Variants in DMTN observed in about 807,000 individuals in gnomAD.
The protein encoded by DMTN is dematin.
In DMTN, 27 loss-of-function variants were observed where a neutral mutation model predicts 59.4. That is an observed-to-expected ratio of 0.45 (90% CI 0.33 to 0.63). DMTN has a LOEUF of 0.63. Among genes scored for constraint, DMTN ranks in the 20% least tolerant of loss-of-function variants. DMTN has a pLI of 0.02. For missense variants in DMTN, 451 were observed against 528.9 expected, an observed-to-expected ratio of 0.85 and a Z score of 1.45; for synonymous variants, 221 against 203.7, an observed-to-expected ratio of 1.08 and a Z score of -0.72.
chr8:22,061,985 G>A (rs955237081), intron 1 of DMTN, among the ~76,000 whole-genome samples: 4 of 151,946 alleles, frequency 2.6e-5, no homozygotes, highest in African/African-American at 9.7e-5. Context: ...TCAAACTCCT[G>A]GCCTCAAGTG....
At chr8:22,075,212 A>G (rs1818814610) in intron 10 of DMTN, among the ~76,000 whole-genome samples, 2 of 149,292 alleles carry the variant, frequency 1.3e-5, no homozygotes, top group South Asian at 4.2e-4. Flanking sequence ...AAAAAAGCCT[A>G]AGAGGAAACC....
chr8:22,074,298 G>C (rs540429761), intron 10 of DMTN, among the ~76,000 whole-genome samples: 1 of 152,300 alleles, frequency 6.6e-6, no homozygotes, highest in Non-Finnish European at 1.5e-5. Context: ...TATTGAGACA[G>C]GGCCTTGCTC....
chr8:22,072,243 C>G (rs1297853750), intron 8 of DMTN, 83 bp from the exon 9 acceptor site: 10 of 1,485,812 alleles, frequency 6.7e-6, no homozygotes, highest in Non-Finnish European at 8.1e-6. Context: ...CAGCCCAGAG[C>G]AGTGCACAGA....
At chr8:22,071,463 C>T (rs1455820758) in intron 8 of DMTN, among the ~76,000 whole-genome samples, 1 of 151,132 alleles carries the variant, frequency 6.6e-6, no homozygotes, top group African/African-American at 2.4e-5. Flanking sequence ...GGCGAGATCT[C>T]GGCTCACTGC....
rs1804240090 is a variant in DMTN, at chr8:22,058,880, C to T, written c.-172+1744C>T. On this transcript the variant is annotated intron_variant, in intron 1 of 15. Coordinates refer to ENST00000358242, the MANE Select transcript of DMTN (RefSeq NM_001387751.1). The surrounding 1 kb of genome is among the most constrained non-coding windows in gnomAD (Gnocchi z 4.3). Reference sequence around the variant, plus strand: ...GGGACACCTCTGATGAGCCACTGGCCCAGAGCAGGCCTCAGCCTCCTGGTG... The same window carrying T: ...GGGACACCTCTGATGAGCCACTGGCTCAGAGCAGGCCTCAGCCTCCTGGTG... 6.6e-6 allele frequency among the ~76,000 whole-genome samples: 1 copy of T among 152,184 alleles called. No homozygotes were observed. The highest frequency in any genetic ancestry group is 2.1e-4 in the South Asian group (1 of 4,838).
chr8:22,079,267 TAAATAAATAA>T (rs1433673224), intron 10 of DMTN, among the ~76,000 whole-genome samples: 3,262 of 47,050 alleles, frequency 0.069, 251 homozygotes, highest in African/African-American at 0.19. Context: ...AATAAATAAA[TAAATAAATAA>T]ATATATATAT....
intron 1 of DMTN, 27 bp from the exon 2 acceptor site, chr8:22,066,678 C>T (rs1264504275): frequency 8.6e-6 from 4 of 465,226 alleles, no homozygotes; most frequent in Non-Finnish European, 1.3e-5. Flanking sequence ...GCCGCCCCGG[C>T]GCGGCCTCCC....
chr8:22,068,921 G>A lies in DMTN; in HGVS notation c.250-95G>A, dbSNP rs1214847520. On this transcript the variant is annotated intron_variant, in intron 4 of 15. Transcript: ENST00000358242. ...CCAGAAGCTGGCCAGGAAAGTGTGC[G>A]GCTTTGGGTGGGGGATGAGGTGGCC... 77 of 1,416,212 alleles carry A rather than the reference G, an allele frequency of 5.4e-5. 1 individual carries two copies. In the South Asian group the frequency reaches 7.9e-4, roughly 14 times the overall value. 87.7% of individuals were successfully genotyped at this position (1,416,212 alleles called of 1,614,324 possible).
rs1018441718 is a variant in DMTN at position 22,070,068 on chromosome 8, G to A, written c.452-114G>A. On this transcript the variant is annotated intron_variant, in intron 7 of 15. Transcript: ENST00000358242. The stretch of plus-strand genomic sequence containing the variant: ...CAGCAGCACGTGTGCCCCGTGCTCA[G>A]CGTGTACACTGCTTTTACCTGCAGG... 3.1e-5 allele frequency: 48 copies of A among 1,551,582 alleles called. No homozygotes were observed. In the African/African-American group the frequency reaches 5.4e-4, roughly 18 times the overall value.
At position 22,081,865 on chromosome 8, in the gene DMTN, C is replaced by T. The variant is rs1466217397; in HGVS notation, c.*402C>T. On this transcript the variant is annotated 3_prime_UTR_variant, in exon 16 of 16. Transcript: ENST00000358242. ...GGCCAGGCAGAAAGAGCTCCAGGCT[C>T]TTGTGTCGCCCACCCAGCCCTCCCA... 2 of 463,132 alleles carry T rather than the reference C, an allele frequency of 4.3e-6. No individual in the cohort carries two copies. The highest frequency in any genetic ancestry group is 2.3e-5 in the Admixed American group (1 of 42,734). 28.7% of individuals were successfully genotyped at this position (463,132 alleles called of 1,614,324 possible).
At chr8:22,069,771 C>G in intron 6 of DMTN, 110 bp from the exon 7 acceptor site, 3 of 1,303,446 alleles carry the variant, frequency 2.3e-6, no homozygotes, top group Non-Finnish European at 3.3e-6. Flanking sequence ...TGGCTCTTGA[C>G]AGGGGCCAGT....
intron 1 of DMTN, among the ~76,000 whole-genome samples, chr8:22,065,655 C>G (rs1809967913): frequency 6.6e-6 from 1 of 151,886 alleles, no homozygotes; most frequent in Non-Finnish European, 1.5e-5. Context: ...CCAGCCTGGC[C>G]GATATGGTGA....
At position 22,060,037 on chromosome 8, in the gene DMTN, G is replaced by A. The variant is rs1805202892; in HGVS notation, c.-172+2901G>A. 6.6e-6 allele frequency among the ~76,000 whole-genome samples: 1 copy of A among 152,120 alleles called. No individual in the cohort carries two copies. The highest frequency in any genetic ancestry group is 1.9e-4 in the East Asian group (1 of 5,190). Reference sequence around the variant, plus strand: ...AAGGCAGGGACACACAGCTGGGGGAGGGTGGGGCTGAGATGGAGGGCGAGC... The same window carrying A: ...AAGGCAGGGACACACAGCTGGGGGAAGGTGGGGCTGAGATGGAGGGCGAGC... On this transcript the variant is annotated intron_variant, in intron 1 of 15. Coordinates refer to ENST00000358242, the MANE Select transcript of DMTN (RefSeq NM_001387751.1). The surrounding 1 kb of genome is among the most constrained non-coding windows in gnomAD (Gnocchi z 5.0).
intron 1 of DMTN, among the ~76,000 whole-genome samples, chr8:22,065,195 G>A (rs558309578): frequency 6.6e-6 from 1 of 152,206 alleles, no homozygotes; most frequent in Admixed American, 6.5e-5. Flanking sequence ...CACTACATCT[G>A]GCTAATTTTT....
At chr8:22,050,441 C>T (rs892135547), upstream of DMTN, among the ~76,000 whole-genome samples, 2 of 152,190 alleles carry the variant, frequency 1.3e-5, no homozygotes, top group African/African-American at 4.8e-5. Flanking sequence ...CACCCCTGCC[C>T]CTCCCTCGCT....
At chr8:22,062,679 C>G (rs561585745) in intron 1 of DMTN, among the ~76,000 whole-genome samples, 3 of 152,058 alleles carry the variant, frequency 2.0e-5, no homozygotes, top group Admixed American at 1.3e-4. Flanking sequence ...CATCACCCCC[C>G]CAATCCCTAA....
chr8:22,059,999 T>C (rs1805173975), intron 1 of DMTN, among the ~76,000 whole-genome samples: 1 of 145,312 alleles, frequency 6.9e-6, no homozygotes, highest in Non-Finnish European at 1.5e-5. Context: ...GGGGCTGGGC[T>C]GGTGGCTCAG....
chr8:22,072,240 G>C lies in DMTN; in HGVS notation c.605-86G>C, dbSNP rs1816130629. The C allele has an allele frequency of 2.0e-6, 3 of 1,477,772 alleles. No individual in the cohort carries two copies. In the South Asian group the frequency reaches 3.7e-5, roughly 18 times the overall value. The allele number at this position is 1,477,772 out of a possible 1,614,324, so 91.5% of individuals were successfully genotyped here. ...AGTGGCCTTATCAAGGTCCAGCCCA[G>C]AGCAGTGCACAGAGGCTGTGCCATG... On this transcript the variant is annotated intron_variant, in intron 8 of 15. Coordinates refer to ENST00000358242, the MANE Select transcript of DMTN (RefSeq NM_001387751.1).
rs1824680007 is a variant in DMTN at position 22,082,286 on chromosome 8, T to A, written c.*823T>A. 2.2e-6 allele frequency: 1 copy of A among 455,872 alleles called. No individual in the cohort carries two copies. Among genetic ancestry groups the A allele is most frequent in the Non-Finnish European group, 4.4e-6 (1 of 226,724 alleles). The allele number at this position is 455,872 out of a possible 1,614,324, so 28.2% of individuals were successfully genotyped here. A position where few individuals can be genotyped will look rare whatever the true frequency, so the allele number is the denominator to read the frequency against. Reference sequence around the variant, plus strand: ...CCACGCACCCCCCCACACACTATGCTCTCTCAAGAATGTAATTTATTGGGG... The same window carrying A: ...CCACGCACCCCCCCACACACTATGCACTCTCAAGAATGTAATTTATTGGGG... On this transcript the variant is annotated 3_prime_UTR_variant, in exon 16 of 16. Transcript: ENST00000358242.
Sources: gnomAD v4.1 joint callset for allele counts (sites outside exome capture counted in the v4.1 genomes callset) on GRCh38, gnomAD v4.1.1 for gene constraint, Gnocchi (gnomAD v3.1) non-coding constraint, MANE v1.5 for transcripts, NCBI Gene and HGNC (gene_info 2026-07-23, HGNC 2026-07-21) for gene names.